MAP4: variants seen among roughly 807,000 people sequenced by gnomAD.
MAP4 encodes the protein microtubule-associated protein 4.
In MAP4, 76 loss-of-function variants were observed where a neutral mutation model predicts 170.2. The observed-to-expected ratio is 0.45, with a 90% CI of 0.37 to 0.54. The LOEUF (loss-of-function observed/expected upper bound fraction) is 0.54. Ranked by LOEUF, MAP4 falls within the 20% of genes least tolerant of loss-of-function variation. The pLI is 0.00. For synonymous variants in MAP4, 909 were observed against 994.5 expected (o/e 0.91, Z 1.62); for missense variants, 2,506 against 2,748.0 (o/e 0.91, Z 1.97).
chr3:48,055,233 T>C lies in MAP4; in HGVS notation c.-20+33540A>G, dbSNP rs890571606. ...CTCCGTCTCCGTCTCCGTCTCCGTC[T>C]CCGTCTCCCCATGGTCTCCCTCTCA... is the stretch of plus-strand genomic sequence containing the variant. On this transcript the variant is annotated intron_variant, in intron 1 of 18. Transcript: ENST00000360240. Among the ~76,000 whole-genome samples the C allele has an allele frequency of 5.7e-5, 8 of 141,222 alleles. No individual in the cohort carries two copies. The East Asian group carries it at 1.7e-3, about 29-fold the overall frequency. 92.6% of individuals were successfully genotyped at this position (141,222 alleles called of 152,430 possible).
chr3:47,857,654 G>A lies in MAP4; in HGVS notation c.6502-142C>T, dbSNP rs1482585565. 4.6e-6 allele frequency: 3 copies of A among 645,276 alleles called. No homozygotes were observed. The African/African-American group carries it at 5.4e-5, about 12-fold the overall frequency. 40.0% of individuals were successfully genotyped at this position (645,276 alleles called of 1,614,324 possible). A position where few individuals can be genotyped will look rare whatever the true frequency, so the allele number is the denominator to read the frequency against. ...CTATCTCAGTCTGGTCAAAGACAAG[G>A]TCATCTCCCTAAGTACTTAAAAGAG... On this transcript the variant is annotated intron_variant, in intron 17 of 20. Coordinates refer to ENST00000683076, the MANE Select transcript of MAP4 (RefSeq NM_001385682.1).
chr3:48,037,243 C>G (rs758309498), intron 1 of MAP4, among the ~76,000 whole-genome samples: 1 of 152,116 alleles, frequency 6.6e-6, no homozygotes, highest in Non-Finnish European at 1.5e-5. Context: ...ATCCTATATA[C>G]TCAAAAGCTG....
intron 10 of MAP4, among the ~76,000 whole-genome samples, chr3:47,896,096 T>C (rs980559973): frequency 6.6e-5 from 10 of 152,094 alleles, no homozygotes; most frequent in Non-Finnish European, 1.5e-4. Context: ...GGCATACAGA[T>C]AAGTTTGGTG....
At chr3:47,984,883 C>T (rs1046713204) in intron 2 of MAP4, among the ~76,000 whole-genome samples, 2 of 151,848 alleles carry the variant, frequency 1.3e-5, no homozygotes, top group African/African-American at 4.8e-5. Flanking sequence ...GCAGGAGAAT[C>T]ACTTGAACCC....
rs116529784 is a variant in MAP4, at chr3:48,069,731, G to C, written c.-20+19042C>G. On this transcript the variant is annotated intron_variant, in intron 1 of 18. Transcript: ENST00000360240. ...TTGATAAAGAACAACTGTCTGGGTA[G>C]CCACTGACACTCTTAAAATATACTC... Among the ~76,000 whole-genome samples, 647 of 152,230 alleles carry C rather than the reference G, an allele frequency of 4.3e-3. 5 individuals carry two copies. Among genetic ancestry groups the C allele is most frequent in the African/African-American group, 0.014 (590 of 41,542 alleles).
At chr3:48,075,730 T>C (rs2100143504) in intron 1 of MAP4, among the ~76,000 whole-genome samples, 2 of 151,560 alleles carry the variant, frequency 1.3e-5, no homozygotes, top group Admixed American at 1.3e-4. Flanking sequence ...TCCCAGCACT[T>C]TGGGAGGCTA....
In MAP4 at chr3:47,909,157, CT is replaced by C. The variant is rs2100034657; in HGVS notation, c.5263del (p.Ser1755AlafsTer7). 1 of 1,613,838 alleles carries C rather than the reference CT, an allele frequency of 6.2e-7. No individual in the cohort carries two copies. The highest frequency in any genetic ancestry group is 8.5e-7 in the Non-Finnish European group (1 of 1,179,884). ...GCCTTTCATTGGTTCTGCCATTCTG[CT>C]TTTATCTTCCTTTTTCCCTTCTCCT... Reference protein sequence around the residue: ...TPGEGKKEDKSRMAEPMKGYM... With the variant: ...TPGEGKKEDKXRMAEPMKGYM... On this transcript the variant is annotated frameshift_variant, in exon 9 of 21. Transcript: ENST00000683076. LOFTEE classifies it high-confidence loss of function.
intron 17 of MAP4, among the ~76,000 whole-genome samples, chr3:47,862,454 T>C (rs1176166990): frequency 1.3e-5 from 2 of 151,268 alleles, no homozygotes; most frequent in African/African-American, 4.9e-5. Context: ...TTAGTGTTAC[T>C]ATTTTAAATA....
rs747488050 is a variant in MAP4, at chr3:47,910,356, C to G, written c.4065G>C (p.Val1355=). Residue 1355 remains valine, a synonymous_variant, in exon 9 of 21, where the codon GTG becomes GTC. Transcript: ENST00000683076. ...TACTCCTTTTACTTGGTTTGTCAGC[C>G]ACTGCAGTGTATCTATTGGCTGCAT... is the stretch of plus-strand genomic sequence containing the variant. ...KTDAANRYTA[V]ADKPSKRSND... is the part of the protein sequence containing the mutation. The G allele has an allele frequency of 2.3e-5, 35 of 1,539,158 alleles. No homozygotes were observed. The Admixed American group carries it at 6.7e-4, about 29-fold the overall frequency.
At chr3:48,059,988 CTT>C in intron 1 of MAP4, among the ~76,000 whole-genome samples, 1 of 132,250 alleles carries the variant, frequency 7.6e-6, no homozygotes, top group Admixed American at 7.5e-5. Flanking sequence ...AAAAAAAAAA[CTT>C]TTGAACATCT....
intron 1 of MAP4, among the ~76,000 whole-genome samples, chr3:48,049,293 G>A (rs1039696624): frequency 2.6e-5 from 4 of 152,236 alleles, no homozygotes; most frequent in African/African-American, 9.6e-5. Context: ...AACCAAAGGA[G>A]TGATTTCTGG....
chr3:48,014,316 G>T (rs1425246736), intron 1 of MAP4, among the ~76,000 whole-genome samples: 1 of 152,140 alleles, frequency 6.6e-6, no homozygotes, highest in Non-Finnish European at 1.5e-5. Flanking sequence ...CTCACTCGGG[G>T]TCTGTGCTCA....
chr3:47,913,962 C>G (rs2100037260), intron 8 of MAP4, among the ~76,000 whole-genome samples: 1 of 152,108 alleles, frequency 6.6e-6, no homozygotes, highest in Admixed American at 6.5e-5. Flanking sequence ...CAGTACCTCT[C>G]AAAGTTTAAT....
chr3:47,973,922 C>G, intron 3 of MAP4: 1 of 985,270 alleles, frequency 1.0e-6, no homozygotes, highest in Non-Finnish European at 1.2e-6. Flanking sequence ...AGCATAACCT[C>G]TTTCCTTTAA....
At chr3:48,000,992 T>C (rs932639663) in intron 1 of MAP4, among the ~76,000 whole-genome samples, 1 of 152,212 alleles carries the variant, frequency 6.6e-6, no homozygotes, top group Non-Finnish European at 1.5e-5. Context: ...TTACAAAACA[T>C]GTACAAAGCA....
chr3:47,891,442 A>C (rs2100023879), intron 10 of MAP4: 1 of 1,531,564 alleles, frequency 6.5e-7, no homozygotes, highest in African/African-American at 1.4e-5. Context: ...TCATAGCAGG[A>C]GCTCCCAGTT....
intron 10 of MAP4, chr3:47,891,726 T>C (rs1297595299): frequency 9.1e-6 from 14 of 1,536,532 alleles, no homozygotes; most frequent in Admixed American, 3.9e-5. Context: ...GTGAACACCA[T>C]AGTGATTGGC....
rs369857310 is a variant in MAP4 at position 47,928,812 on chromosome 3, C to T, written c.293-462G>A. Among the ~76,000 whole-genome samples the T allele has an allele frequency of 3.3e-4, 49 of 149,552 alleles. No homozygotes were observed. The South Asian group carries it at 9.7e-3, about 30-fold the overall frequency. ...ATAAAACTGTCAAAAGCAACAATTT[C>T]AGGGAGCTGGAATTAAAAAAAAAAA... On this transcript the variant is annotated intron_variant, in intron 3 of 20. Coordinates refer to ENST00000683076, the MANE Select transcript of MAP4 (RefSeq NM_001385682.1).
intron 2 of MAP4, among the ~76,000 whole-genome samples, chr3:47,979,419 C>G (rs2100084145): frequency 6.6e-6 from 1 of 152,074 alleles, no homozygotes; most frequent in Admixed American, 6.6e-5. Context: ...TAAGGCTATC[C>G]ATTTTGCCAA....
Sources: gnomAD v4.1 joint callset for allele counts (sites outside exome capture counted in the v4.1 genomes callset) on GRCh38, gnomAD v4.1.1 for gene constraint, MANE v1.5 for transcripts, NCBI Gene and HGNC (gene_info 2026-07-23, HGNC 2026-07-21) for gene names.